ADAMTS15: variants seen among roughly 807,000 people sequenced by gnomAD.
ADAMTS15 encodes the protein ADAM metallopeptidase with thrombospondin type 1 motif 15, also known as A disintegrin and metalloproteinase with thrombospondin motifs 15.
A neutral mutation model predicts 79.1 loss-of-function variants in ADAMTS15; 35 were observed. The observed-to-expected ratio is 0.44, with a 90% CI of 0.34 to 0.59. The LOEUF (loss-of-function observed/expected upper bound fraction) is 0.59. ADAMTS15 is among the 20% of genes least tolerant of loss of function. The pLI is 0.02. For missense variants in ADAMTS15, 1,324 were observed against 1,318.7 expected (o/e 1.00, Z -0.06); for synonymous variants, 616 against 567.3 (o/e 1.09, Z -1.22).
intron 1 of ADAMTS15, among the ~76,000 whole-genome samples, chr11:130,460,057 G>A (rs1355478824): frequency 1.3e-5 from 2 of 152,196 alleles, no homozygotes; most frequent in East Asian, 3.9e-4. Flanking sequence ...CATGCACAGT[G>A]TCAGCATTTA....
In ADAMTS15 at chr11:130,476,353, ACTCTCATATGAAC is replaced by A. The variant is rs146904164; in HGVS notation, c.*2536_*2548del. On this transcript the variant is annotated 3_prime_UTR_variant, in exon 8 of 8. Coordinates refer to ENST00000299164, the MANE Select transcript of ADAMTS15 (RefSeq NM_139055.4). The stretch of plus-strand genomic sequence containing the variant: ...CTGATTGGAGGAGTCTGGCCCAAAC[ACTCTCATATGAAC>A]CTCGACATGCTGGAGTGGGGTCTGG... 11,705 of 152,018 alleles carry A rather than the reference ACTCTCATATGAAC, an allele frequency of 0.077. 585 individuals are homozygous for A. Among genetic ancestry groups the A allele is most frequent in the East Asian group, 0.2 (1,011 of 5,160 alleles). 9.4% of individuals were successfully genotyped at this position (152,018 alleles called of 1,614,324 possible). A position where few individuals can be genotyped will look rare whatever the true frequency, so the allele number is the denominator to read the frequency against.
chr11:130,468,939 C>CAAAAAAAAAAAAAAAAA (rs911391031), intron 4 of ADAMTS15, among the ~76,000 whole-genome samples: 2 of 27,848 alleles, frequency 7.2e-5, no homozygotes, highest in African/African-American at 2.0e-4. Context: ...TCCACCTCAA[C>CAAAAAAAAAAAAAAAAA]AAAAAAAAAA....
In ADAMTS15 at chr11:130,448,776, A is replaced by C. The variant is rs1937885747; in HGVS notation, c.-198A>C. 6.6e-6 allele frequency among the ~76,000 whole-genome samples: 1 copy of C among 152,184 alleles called. No individual in the cohort carries two copies. The highest frequency in any genetic ancestry group is 6.5e-5 in the Admixed American group (1 of 15,288). ...GGGCGCGCTTTGCTTGGAAAGGCAC[A>C]GGTAGGAAGCGCGGGCTGCCGGGTG... is the stretch of plus-strand genomic sequence containing the variant. On this transcript the variant is annotated 5_prime_UTR_variant, in exon 1 of 8. Coordinates refer to ENST00000299164, the MANE Select transcript of ADAMTS15 (RefSeq NM_139055.4).
chr11:130,459,935 A>G (rs1938164231), intron 1 of ADAMTS15, among the ~76,000 whole-genome samples: 1 of 152,194 alleles, frequency 6.6e-6, no homozygotes, highest in African/African-American at 2.4e-5. Context: ...GGCCTTGCAT[A>G]TACGTGCACA....
chr11:130,453,973 TA>T (rs1483901061), intron 1 of ADAMTS15, among the ~76,000 whole-genome samples: 2 of 152,102 alleles, frequency 1.3e-5, no homozygotes, highest in Non-Finnish European at 2.9e-5. Flanking sequence ...CCTGACTAAT[TA>T]AAAAAAATTT....
At chr11:130,470,207 T>TATATATACAC (rs1204201965) in intron 5 of ADAMTS15, among the ~76,000 whole-genome samples, 4 of 60,228 alleles carry the variant, frequency 6.6e-5, no homozygotes, top group African/African-American at 4.1e-4. Flanking sequence ...TATATATATA[T>TATATATACAC]ATGTATATAT....
At position 130,469,289 on chromosome 11, in the gene ADAMTS15, C is replaced by G; in HGVS notation, c.1570C>G (p.Pro524Ala). ...GGATGGTTCCTGGGCCAAATGGGAT[C>G]CCTATGGCCCCTGCTCGCGCACATG... ...RVDGSWAKWD[P>A]YGPCSRTCGG... The change falls in exon 5 of 8, where the codon CCC becomes GCC. Residue 524 changes from proline to alanine, a missense_variant. Coordinates refer to ENST00000299164, the MANE Select transcript of ADAMTS15 (RefSeq NM_139055.4). 1 of 1,399,324 alleles carries G rather than the reference C, an allele frequency of 7.1e-7. No individual in the cohort carries two copies. The highest frequency in any genetic ancestry group is 1.9e-5 in the South Asian group (1 of 53,830). The allele number at this position is 1,399,324 out of a possible 1,614,324, so 86.7% of individuals were successfully genotyped here.
chr11:130,468,939 CAAAAA>C (rs911391031), intron 4 of ADAMTS15, among the ~76,000 whole-genome samples: 3 of 27,858 alleles, frequency 1.1e-4, no homozygotes, highest in African/African-American at 2.0e-4. Flanking sequence ...TCCACCTCAA[CAAAAA>C]AAAAAAAAAA....
At chr11:130,463,347 T>C (rs180782574) in intron 4 of ADAMTS15, among the ~76,000 whole-genome samples, 114 of 152,364 alleles carry the variant, frequency 7.5e-4, no homozygotes, top group African/African-American at 2.7e-3. Context: ...ATAATACTTG[T>C]TTTCCCTCCT....
chr11:130,450,773 G>A (rs560732087), intron 1 of ADAMTS15, among the ~76,000 whole-genome samples: 1 of 152,328 alleles, frequency 6.6e-6, no homozygotes, highest in African/African-American at 2.4e-5. Flanking sequence ...AGCAGAGCGG[G>A]CATGCTTGCT....
At chr11:130,468,939 C>CAAAAAA (rs911391031) in intron 4 of ADAMTS15, among the ~76,000 whole-genome samples, 14 of 27,840 alleles carry the variant, frequency 5.0e-4, no homozygotes, top group African/African-American at 1.1e-3. Context: ...TCCACCTCAA[C>CAAAAAA]AAAAAAAAAA....
intron 1 of ADAMTS15, among the ~76,000 whole-genome samples, chr11:130,450,615 G>A (rs943695175): frequency 3.3e-5 from 5 of 152,218 alleles, no homozygotes; most frequent in Admixed American, 2.6e-4. Flanking sequence ...AGCAGGCGGT[G>A]TAGTTAGGGC....
In ADAMTS15 at chr11:130,448,868, C is replaced by A; in HGVS notation, c.-106C>A. On this transcript the variant is annotated 5_prime_UTR_variant, in exon 1 of 8. Transcript: ENST00000299164. ...CCTTTCTGGGAACTGCCGGCTGTCC[C>A]GTAGCGTTGGCGGTTCCAGAGTGCG... 4 of 851,644 alleles carry A rather than the reference C, an allele frequency of 4.7e-6. No homozygotes were observed. Among genetic ancestry groups the A allele is most frequent in the East Asian group, 3.1e-5 (1 of 32,546 alleles). The allele number at this position is 851,644 out of a possible 1,614,324, so 52.8% of individuals were successfully genotyped here.
In ADAMTS15 at chr11:130,448,843, C is replaced by T. The variant is rs570861446; in HGVS notation, c.-131C>T. 12 of 667,676 alleles carry T rather than the reference C, an allele frequency of 1.8e-5. No homozygotes were observed. The Admixed American group carries it at 2.7e-4, about 15-fold the overall frequency. The allele number at this position is 667,676 out of a possible 1,614,324, so 41.4% of individuals were successfully genotyped here. A position where few individuals can be genotyped will look rare whatever the true frequency, so the allele number is the denominator to read the frequency against. On this transcript the variant is annotated 5_prime_UTR_variant, in exon 1 of 8. Transcript: ENST00000299164. ...GGAGGAGTCTCCCTCCCTTGGCTCTCCTTTCTGGGAACTGCCGGCTGTCCC... is the reference window on the plus strand; with the variant it reads ...GGAGGAGTCTCCCTCCCTTGGCTCTTCTTTCTGGGAACTGCCGGCTGTCCC...
At chr11:130,450,218 C>A (rs1937935746) in intron 1 of ADAMTS15, 1 of 985,340 alleles carries the variant, frequency 1.0e-6, no homozygotes, top group African/African-American at 1.7e-5. Flanking sequence ...GGGCCGGAAC[C>A]CAGGAAGTTG....
At chr11:130,456,348 T>C (rs2134720702) in intron 1 of ADAMTS15, among the ~76,000 whole-genome samples, 1 of 152,274 alleles carries the variant, frequency 6.6e-6, no homozygotes, top group Middle Eastern at 3.4e-3. Flanking sequence ...GAGGTAATTA[T>C]TATTGTTTTG....
At chr11:130,452,512 C>T (rs989412799) in intron 1 of ADAMTS15, among the ~76,000 whole-genome samples, 3 of 152,194 alleles carry the variant, frequency 2.0e-5, no homozygotes, top group South Asian at 2.1e-4. Flanking sequence ...TTGGTAGGCC[C>T]TCCCTCATTC....
chr11:130,473,415 G>A lies in ADAMTS15; in HGVS notation c.2447G>A (p.Arg816Gln), dbSNP rs747203650. ...AAGTCCTCTCATCCCAAGGACCCCCGGGGACCCTCTGTCTTGCACAACAGC... is the reference window on the plus strand; with the variant it reads ...AAGTCCTCTCATCCCAAGGACCCCCAGGGACCCTCTGTCTTGCACAACAGC... ...EDKSSHPKDP[R>Q]GPSVLHNSVL... is the part of the protein sequence containing the mutation. The change falls in exon 8 of 8, where the codon CGG (arginine) becomes CAG (glutamine). Residue 816 changes from arginine to glutamine, a missense_variant. Coordinates refer to ENST00000299164, the MANE Select transcript of ADAMTS15 (RefSeq NM_139055.4). 7 of 1,612,796 alleles carry A rather than the reference G, an allele frequency of 4.3e-6. No individual in the cohort carries two copies. The highest frequency in any genetic ancestry group is 2.7e-5 in the African/African-American group (2 of 75,068).
At chr11:130,470,702 G>C (rs1394439407) in intron 5 of ADAMTS15, among the ~76,000 whole-genome samples, 5 of 152,128 alleles carry the variant, frequency 3.3e-5, no homozygotes, top group African/African-American at 1.2e-4. Context: ...TGGGTTACTG[G>C]AGAAGGTTGT....
Sources: gnomAD v4.1 joint callset for allele counts (sites outside exome capture counted in the v4.1 genomes callset) on GRCh38, gnomAD v4.1.1 for gene constraint, MANE v1.5 for transcripts, NCBI Gene and HGNC (gene_info 2026-07-23, HGNC 2026-07-21) for gene names.